Variants in TLE4 observed in about 807,000 individuals in gnomAD.
The protein encoded by TLE4 is TLE family member 4, transcriptional corepressor.
In TLE4, 8 loss-of-function variants were observed where a neutral mutation model predicts 92.8. That is an observed-to-expected ratio of 0.09 (90% CI 0.05 to 0.16). The LOEUF (loss-of-function observed/expected upper bound fraction) is 0.16. Ranked by LOEUF, TLE4 falls within the 10% of genes least tolerant of loss-of-function variation. The pLI, the probability that TLE4 is intolerant of heterozygous loss-of-function variation, is 1.00. For synonymous variants in TLE4, 371 were observed against 374.1 expected, an observed-to-expected ratio of 0.99 and a Z score of 0.10; for missense variants, 675 against 997.6, an observed-to-expected ratio of 0.68 and a Z score of 4.36.
At chr9:79,659,936 C>T (rs888593089) in intron 8 of TLE4, among the ~76,000 whole-genome samples, 8 of 152,142 alleles carry the variant, frequency 5.3e-5, no homozygotes, top group East Asian at 3.8e-4. Context: ...TACCTTTTTA[C>T]GGTCAGCATA....
intron 4 of TLE4, among the ~76,000 whole-genome samples, chr9:79,609,952 C>G (rs575912871): frequency 6.6e-6 from 1 of 152,166 alleles, no homozygotes; most frequent in East Asian, 1.9e-4. Flanking sequence ...CAAGATTCAT[C>G]AGATGCAATC....
chr9:79,720,352 C>A, intron 16 of TLE4, 59 bp downstream of exon 16: 1 of 1,546,822 alleles, frequency 6.5e-7, no homozygotes, highest in African/African-American at 1.4e-5. Flanking sequence ...CCATATTTTG[C>A]CAAAGTGCTG....
intron 4 of TLE4, among the ~76,000 whole-genome samples, chr9:79,586,352 A>G (rs1554690241): frequency 1.3e-5 from 2 of 150,646 alleles, no homozygotes. Context: ...TCAGAGCAAG[A>G]CTCTGTCACA....
rs1323106005 is a variant in TLE4 at position 79,573,674 on chromosome 9, ATTG to A, written c.46-9_46-7del. On this transcript the variant is annotated splice_polypyrimidine_tract_variant and intron_variant, in intron 1 of 19. Coordinates refer to ENST00000376552, the MANE Select transcript of TLE4 (RefSeq NM_007005.6). Reference sequence around the variant, plus strand: ...GTGATGTGGGCTAATTAAATATTTTATTGTTGTTCTTCAGGCACCGCATCAGCC... The same window carrying A: ...GTGATGTGGGCTAATTAAATATTTTATTGTTCTTCAGGCACCGCATCAGCC... 7 of 1,579,882 alleles carry A rather than the reference ATTG, an allele frequency of 4.4e-6. No homozygotes were observed. The highest frequency in any genetic ancestry group is 1.3e-5 in the African/African-American group (1 of 74,226).
Position 79,618,630 on chromosome 9 carries a change from A to G in TLE4, c.315+5912A>G, listed in dbSNP as rs1455381679. ...GGAGGATGGACATTTTCCTCCTTCT[A>G]CACTCCTGTAATTCCATGACTGTTT... On this transcript the variant is annotated intron_variant, in intron 5 of 19. Coordinates refer to ENST00000376552, the MANE Select transcript of TLE4 (RefSeq NM_007005.6). Among the ~76,000 whole-genome samples the G allele has an allele frequency of 2.0e-5, 3 of 152,222 alleles. No individual in the cohort carries two copies. In the East Asian group the frequency reaches 5.8e-4, roughly 29 times the overall value.
At chr9:79,595,948 A>G (rs1024733079) in intron 4 of TLE4, among the ~76,000 whole-genome samples, 1 of 149,730 alleles carries the variant, frequency 6.7e-6, no homozygotes, top group Non-Finnish European at 1.5e-5. Context: ...CCGGGTTCAC[A>G]CCATTCTCCT....
chr9:79,642,833 A>T (rs1458080837), intron 6 of TLE4, among the ~76,000 whole-genome samples: 1 of 152,156 alleles, frequency 6.6e-6, no homozygotes, highest in Non-Finnish European at 1.5e-5. Context: ...CCATCCCCTT[A>T]AGACCAGTCC....
rs1565227462 is a variant in TLE4, at chr9:79,723,049, T to C, written c.2214+14T>C. 2.5e-6 allele frequency: 4 copies of C among 1,608,822 alleles called. No individual in the cohort carries two copies. The highest frequency in any genetic ancestry group is 1.3e-5 in the African/African-American group (1 of 74,910). ...AGTATATTCCAGGTAACATGGAACT[T>C]GTTAACTACCACTTATGTTTGTTTA... On this transcript the variant is annotated intron_variant, in intron 19 of 19. Coordinates refer to ENST00000376552, the MANE Select transcript of TLE4 (RefSeq NM_007005.6).
chr9:79,670,893 A>T (rs1447445305), intron 8 of TLE4, among the ~76,000 whole-genome samples: 2 of 150,632 alleles, frequency 1.3e-5, no homozygotes, highest in African/African-American at 4.9e-5. Context: ...TTGTTTTTTT[A>T]GTGTACAGTA....
intron 6 of TLE4, among the ~76,000 whole-genome samples, chr9:79,631,167 A>G (rs539404252): frequency 6.6e-6 from 1 of 152,320 alleles, no homozygotes; most frequent in Non-Finnish European, 1.5e-5. Context: ...TCAATTGTGA[A>G]GGCAATAACA....
intron 6 of TLE4, chr9:79,627,723 T>A: frequency 2.5e-6 from 1 of 404,518 alleles, no homozygotes; most frequent in South Asian, 3.5e-5. Flanking sequence ...GCAATCAGCT[T>A]GTGTTGCTAA....
intron 4 of TLE4, among the ~76,000 whole-genome samples, chr9:79,600,333 TAG>T (rs1372800082): frequency 6.6e-6 from 1 of 152,174 alleles, no homozygotes; most frequent in Non-Finnish European, 1.5e-5. Flanking sequence ...TTTCTGATTA[TAG>T]AGAGTTTTCA....
At chr9:79,630,438 G>A (rs1285878625) in intron 6 of TLE4, among the ~76,000 whole-genome samples, 2 of 152,172 alleles carry the variant, frequency 1.3e-5, no homozygotes, top group Non-Finnish European at 2.9e-5. Context: ...TTATAAGGAA[G>A]AAAACCAGGA....
chr9:79,686,097 A>G (rs1259239782), intron 8 of TLE4, among the ~76,000 whole-genome samples: 2 of 152,196 alleles, frequency 1.3e-5, no homozygotes, highest in Non-Finnish European at 2.9e-5. Context: ...TAAACTAGAG[A>G]TGATTTAAAA....
chr9:79,648,859 A>T (rs1458829180), intron 6 of TLE4, among the ~76,000 whole-genome samples: 2 of 152,192 alleles, frequency 1.3e-5, no homozygotes, highest in African/African-American at 2.4e-5. Context: ...AAAAGTTAGA[A>T]TGGGGGTGTC....
chr9:79,722,852 T>C, intron 18 of TLE4, 107 bp from the exon 19 acceptor site: 1 of 1,107,114 alleles, frequency 9.0e-7, no homozygotes, highest in Non-Finnish European at 1.3e-6. Flanking sequence ...AGTTATTTTT[T>C]ACAAATGGAT....
intron 1 of TLE4, chr9:79,573,484 T>A: frequency 1.0e-6 from 1 of 953,180 alleles, no homozygotes; most frequent in Non-Finnish European, 1.4e-6. Flanking sequence ...CGGGCGGGAG[T>A]ATGCGGGGCC....
chr9:79,636,194 A>T (rs751243749), intron 6 of TLE4, among the ~76,000 whole-genome samples: 3 of 152,140 alleles, frequency 2.0e-5, no homozygotes, highest in Non-Finnish European at 4.4e-5. Context: ...TATATATGAG[A>T]CTATATATAG....
At chr9:79,667,021 C>T (rs1029355788) in intron 8 of TLE4, among the ~76,000 whole-genome samples, 1 of 152,222 alleles carries the variant, frequency 6.6e-6, no homozygotes, top group African/African-American at 2.4e-5. Flanking sequence ...GCTTTAACCA[C>T]GTGGGTCCTC....
Sources: gnomAD v4.1 joint callset for allele counts (sites outside exome capture counted in the v4.1 genomes callset) on GRCh38, gnomAD v4.1.1 for gene constraint, MANE v1.5 for transcripts, NCBI Gene and HGNC (gene_info 2026-07-23, HGNC 2026-07-21) for gene names.